Variants in CNBD2 observed in about 807,000 individuals in gnomAD.
CNBD2 encodes the protein cyclic nucleotide-binding domain-containing protein 2.
A neutral mutation model predicts 63.7 loss-of-function variants in CNBD2; 64 were observed. The observed-to-expected ratio is 1.00, with a 90% CI of 0.82 to 1.24. The LOEUF (loss-of-function observed/expected upper bound fraction) is 1.24, where lower values mean the gene tolerates loss of function less well. Ranked by LOEUF, CNBD2 falls within the 50% of genes most tolerant of loss-of-function variation. The pLI is 0.00. For synonymous variants in CNBD2, 229 were observed against 255.4 expected (o/e 0.90, Z 0.99); for missense variants, 691 against 713.5 (o/e 0.97, Z 0.36).
upstream of CNBD2, among the ~76,000 whole-genome samples, chr20:35,964,110 T>G (rs1375269177): frequency 1.3e-5 from 2 of 152,068 alleles, no homozygotes; most frequent in Non-Finnish European, 2.9e-5. Flanking sequence ...TAACCACACC[T>G]CCTGAGCATC....
At chr20:35,964,556 AT>A (rs61569495), upstream of CNBD2, among the ~76,000 whole-genome samples, 92 of 141,608 alleles carry the variant, frequency 6.5e-4, no homozygotes, top group Non-Finnish European at 6.6e-4. Context: ...ACGCCCGGCT[AT>A]TTTTTTTTTT....
intron 8 of CNBD2, among the ~76,000 whole-genome samples, chr20:36,007,383 C>T (rs547094498): frequency 1.8e-4 from 28 of 151,408 alleles, no homozygotes; most frequent in African/African-American, 6.9e-4. Flanking sequence ...CTCCTAGGCT[C>T]AAGCAATCCT....
chr20:36,029,952 C>A (rs1433792323), intron 11 of CNBD2, among the ~76,000 whole-genome samples: 2 of 152,198 alleles, frequency 1.3e-5, no homozygotes, highest in East Asian at 1.9e-4. Context: ...TCTCTACAGA[C>A]CTGCCTGTGC....
intron 11 of CNBD2, among the ~76,000 whole-genome samples, chr20:36,028,756 A>G (rs1181434570): frequency 2.0e-5 from 3 of 147,444 alleles, no homozygotes; most frequent in African/African-American, 7.9e-5. Context: ...GGTCACTGCA[A>G]TGTCCCCCCA....
downstream of CNBD2, among the ~76,000 whole-genome samples, chr20:35,955,819 A>G (rs2056250509): frequency 6.6e-6 from 1 of 152,100 alleles, no homozygotes; most frequent in African/African-American, 2.4e-5. Context: ...TACCGGGTTC[A>G]AGCGATTCTC....
At chr20:36,020,197 C>A (rs1412738474) in intron 10 of CNBD2, among the ~76,000 whole-genome samples, 1 of 152,160 alleles carries the variant, frequency 6.6e-6, no homozygotes, top group Non-Finnish European at 1.5e-5. Context: ...ATTCTCCTGC[C>A]TCAGCCTCCC....
At position 36,030,314 on chromosome 20, in the gene CNBD2, C is replaced by G. The variant is rs73095596; in HGVS notation, c.1440-43C>G. 5.0e-6 allele frequency: 8 copies of G among 1,596,818 alleles called. No homozygotes were observed. In the East Asian group the frequency reaches 1.6e-4, roughly 31 times the overall value. On this transcript the variant is annotated intron_variant, in intron 11 of 11. Coordinates refer to ENST00000373973, the MANE Select transcript of CNBD2 (RefSeq NM_001365709.1). ...GTGGCAGGAGGCAAGGCTGGAGGGG[C>G]GGGACTGGCATGAGAACCTCGGCTT... is the stretch of plus-strand genomic sequence containing the variant.
chr20:36,020,106 G>A (rs757536151), intron 10 of CNBD2, among the ~76,000 whole-genome samples: 23 of 151,540 alleles, frequency 1.5e-4, no homozygotes, highest in Admixed American at 4.6e-4. Flanking sequence ...TTCTTGAGAC[G>A]GAGTCTCGCT....
chr20:36,006,006 T>A (rs1270591756), intron 8 of CNBD2, among the ~76,000 whole-genome samples: 2 of 151,656 alleles, frequency 1.3e-5, no homozygotes, highest in South Asian at 2.1e-4. Flanking sequence ...ATTTGAAGAG[T>A]TGATTCTCAT....
At chr20:35,994,986 T>TTCA (rs2056802940) in intron 7 of CNBD2, 52 bp from the exon 8 acceptor site, 2 of 1,265,426 alleles carry the variant, frequency 1.6e-6, no homozygotes, top group African/African-American at 1.5e-5. Context: ...AAGCCTGGCC[T>TTCA]ACCTGGAGCC....
intron 11 of CNBD2, among the ~76,000 whole-genome samples, chr20:36,028,083 C>T (rs979868293): frequency 2.6e-5 from 4 of 152,164 alleles, no homozygotes; most frequent in Non-Finnish European, 5.9e-5. Context: ...TTCAAGGATG[C>T]CACACTTCTC....
chr20:35,986,724 T>C (rs947605781), intron 6 of CNBD2, among the ~76,000 whole-genome samples: 1 of 152,240 alleles, frequency 6.6e-6, no homozygotes, highest in Non-Finnish European at 1.5e-5. Flanking sequence ...AGTTAAGTTC[T>C]GAGCCCTTAA....
chr20:35,960,364 C>T (rs2147169383), downstream of CNBD2, among the ~76,000 whole-genome samples: 1 of 152,332 alleles, frequency 6.6e-6, no homozygotes, highest in African/African-American at 2.4e-5. Flanking sequence ...GTCATCCAAG[C>T]TCAGTGTCAT....
At chr20:35,970,581 G>A (rs6060730) in intron 1 of CNBD2, among the ~76,000 whole-genome samples, 40,406 of 151,620 alleles carry the variant, frequency 0.27, 6,500 homozygotes, top group African/African-American at 0.46. Flanking sequence ...TTTTTTTAGT[G>A]CAGATGGGAT....
chr20:35,975,007 A>AT (rs564560331), intron 2 of CNBD2: 8,140 of 138,954 alleles, frequency 0.059, 290 homozygotes, highest in South Asian at 0.18. Context: ...ATTTTTTTTT[A>AT]TTTTTTTTTT....
intron 11 of CNBD2, among the ~76,000 whole-genome samples, chr20:36,024,300 A>C (rs923655177): frequency 2.6e-5 from 4 of 151,856 alleles, no homozygotes; most frequent in Admixed American, 6.6e-5. Context: ...GCATCACTGC[A>C]CTCCAGCCTG....
chr20:35,978,408 G>A (rs939922853), intron 3 of CNBD2, among the ~76,000 whole-genome samples: 3 of 150,902 alleles, frequency 2.0e-5, no homozygotes, highest in African/African-American at 7.3e-5. Flanking sequence ...GTAGTGGAGC[G>A]ATCTGGGCTC....
At chr20:36,002,847 C>T (rs1417361027) in intron 8 of CNBD2, among the ~76,000 whole-genome samples, 1 of 151,994 alleles carries the variant, frequency 6.6e-6, no homozygotes, top group Admixed American at 6.6e-5. Context: ...ATTTGTCTCT[C>T]CCTCTCCTCC....
chr20:36,016,788 C>CAA (rs534778243), intron 10 of CNBD2, among the ~76,000 whole-genome samples: 6 of 62,798 alleles, frequency 9.6e-5, no homozygotes, highest in Non-Finnish European at 9.8e-5. Flanking sequence ...GACTCTGTCT[C>CAA]AAAAAAAAAA....
Sources: gnomAD v4.1 joint callset for allele counts (sites outside exome capture counted in the v4.1 genomes callset) on GRCh38, gnomAD v4.1.1 for gene constraint, MANE v1.5 for transcripts, NCBI Gene and HGNC (gene_info 2026-07-23, HGNC 2026-07-21) for gene names.